Variants in ELFN2 observed in about 807,000 individuals in gnomAD.
ELFN2 encodes protein phosphatase 1 regulatory subunit 29.
A neutral mutation model predicts 45.5 loss-of-function variants in ELFN2; 17 were observed. The ratio of observed to expected loss-of-function variants is 0.37; its 90% CI spans 0.26 to 0.56. The LOEUF (loss-of-function observed/expected upper bound fraction) is 0.56, where lower values mean the gene tolerates loss of function less well. ELFN2 is among the 20% of genes least tolerant of loss of function. The pLI, the probability that ELFN2 is intolerant of heterozygous loss-of-function variation, is 0.77. For missense variants in ELFN2, 922 were observed against 1,183.2 expected, an observed-to-expected ratio of 0.78 and a Z score of 3.24; for synonymous variants, 550 against 551.5, an observed-to-expected ratio of 1.00 and a Z score of 0.04.
Position 37,374,244 on chromosome 22 carries a change from A to C in ELFN2, c.1291T>G (p.Ser431Ala), listed in dbSNP as rs774091407. ...AGGATGGTCTTCTTGACGTTGACAGACTTCTGCTTCTCCTCCTGCATGCGC... is the reference window on the plus strand; with the variant it reads ...AGGATGGTCTTCTTGACGTTGACAGCCTTCTGCTTCTCCTCCTGCATGCGC... ...KRRMQEEKQK[S>A]VNVKKTILEM... is the part of the protein sequence containing the mutation. The change falls in exon 3 of 3, where the codon TCT (serine) becomes GCT (alanine). Residue 431 changes from serine (S) to alanine (A), a missense_variant. By Grantham distance (99) the Ser-to-Ala change is moderately conservative. This residue lies in a region of ELFN2 where 564 missense variants were observed against 642.8 expected (regional missense o/e 0.88). Coordinates refer to ENST00000402918, the MANE Select transcript of ELFN2 (RefSeq NM_052906.5). 6.2e-7 allele frequency: 1 copy of C among 1,613,948 alleles called. No homozygotes were observed. Among genetic ancestry groups the C allele is most frequent in the South Asian group, 1.1e-5 (1 of 91,078 alleles).
rs115175103 is a variant in ELFN2, at chr22:37,343,264, C to T, written n.149-561G>A. Among the ~76,000 whole-genome samples the T allele has an allele frequency of 3.9e-3, 598 of 152,266 alleles. 2 individuals carry two copies. The highest frequency in any genetic ancestry group is 0.014 in the African/African-American group (574 of 41,540). On this transcript the variant is annotated intron_variant and non_coding_transcript_variant, in intron 1 of 2. Transcript: ENST00000452946. ...AGGCAGGTGGGGGCCCCAGCTGCAA[C>T]GGTCTGTGTCCCAGGTCCGCTCCTC...
chr22:37,343,048 G>A (rs1289479573), intron 1 of ELFN2, among the ~76,000 whole-genome samples: 2 of 152,164 alleles, frequency 1.3e-5, no homozygotes, highest in African/African-American at 4.8e-5. Context: ...GAAACAGAAA[G>A]GAATATGGCA....
chr22:37,345,320 A>T (rs1026818000), intron 1 of ELFN2, among the ~76,000 whole-genome samples: 9 of 152,206 alleles, frequency 5.9e-5, no homozygotes, highest in African/African-American at 2.2e-4. Flanking sequence ...GGGAAGTGGT[A>T]TACAGGCTTT....
intron 2 of ELFN2, among the ~76,000 whole-genome samples, chr22:37,380,864 C>T (rs1050420821): frequency 3.1e-4 from 47 of 152,198 alleles, no homozygotes; most frequent in Admixed American, 3.1e-3. Context: ...CTTTTCACTG[C>T]CTAGAGCTCC....
downstream of ELFN2, among the ~76,000 whole-genome samples, chr22:37,367,288 A>T (rs576303726): frequency 2.7e-4 from 41 of 152,344 alleles, 1 homozygote; most frequent in South Asian, 6.2e-4. Flanking sequence ...TGAGTGCCTC[A>T]GCCTGACCAG....
intron 2 of ELFN2, among the ~76,000 whole-genome samples, chr22:37,398,175 C>A (rs905481947): frequency 6.6e-6 from 1 of 152,174 alleles, no homozygotes; most frequent in Non-Finnish European, 1.5e-5. Flanking sequence ...CAGAGCCAGG[C>A]AGCTGTGGGC....
chr22:37,423,723 C>T (rs759194201), intron 1 of ELFN2, among the ~76,000 whole-genome samples: 7 of 152,136 alleles, frequency 4.6e-5, no homozygotes, highest in Non-Finnish European at 7.4e-5. Context: ...TCAGCAGCAT[C>T]GTGCAGCCAG....
intron 1 of ELFN2, among the ~76,000 whole-genome samples, chr22:37,426,650 A>AACACAC (rs3041620): frequency 1.4e-5 from 2 of 144,094 alleles, no homozygotes; most frequent in Admixed American, 1.4e-4. Context: ...CACACACACA[A>AACACAC]ACACACACAC....
intron 1 of ELFN2, among the ~76,000 whole-genome samples, chr22:37,343,060 A>T (rs1930600150): frequency 6.6e-6 from 1 of 152,128 alleles, no homozygotes; most frequent in African/African-American, 2.4e-5. Flanking sequence ...AATATGGCAG[A>T]TGGTCTGGTC....
Position 37,417,103 on chromosome 22 carries a change from A to G in ELFN2, c.-463+666T>C, listed in dbSNP as rs1932767369. ...CCCTCCACGTGGCCGCCACCAACACAGCCTCGGTGACAGCCCCAGCCTCTC... is the reference window on the plus strand; with the variant it reads ...CCCTCCACGTGGCCGCCACCAACACGGCCTCGGTGACAGCCCCAGCCTCTC... On this transcript the variant is annotated intron_variant, in intron 2 of 2. Coordinates refer to ENST00000402918, the MANE Select transcript of ELFN2 (RefSeq NM_052906.5). This position sits in a 1 kb window ranked among gnomAD's most constrained non-coding sequence, Gnocchi z 4.5. 6.6e-6 allele frequency among the ~76,000 whole-genome samples: 1 copy of G among 151,036 alleles called. No homozygotes were observed.
chr22:37,397,343 C>T (rs1463962932), intron 2 of ELFN2, among the ~76,000 whole-genome samples: 1 of 152,202 alleles, frequency 6.6e-6, no homozygotes, highest in Non-Finnish European at 1.5e-5. Context: ...AACATAGGCC[C>T]CCAGGCATGT....
chr22:37,400,404 C>T (rs990649584), intron 2 of ELFN2, among the ~76,000 whole-genome samples: 6 of 152,254 alleles, frequency 3.9e-5, no homozygotes, highest in Non-Finnish European at 8.8e-5. Flanking sequence ...ACCTCAGCCA[C>T]CTGGAGGGCC....
chr22:37,376,655 C>T (rs1326988922), intron 2 of ELFN2, among the ~76,000 whole-genome samples: 1 of 152,192 alleles, frequency 6.6e-6, no homozygotes, highest in East Asian at 1.9e-4. Flanking sequence ...TGGGGCCCCC[C>T]AAGCAGAGGG....
intron 2 of ELFN2, among the ~76,000 whole-genome samples, chr22:37,398,743 G>A (rs1045452567): frequency 3.6e-5 from 5 of 138,932 alleles, no homozygotes; most frequent in South Asian, 2.3e-4. Flanking sequence ...ACACGCAGGC[G>A]TGCACACACA....
chr22:37,386,215 C>T (rs901257460), intron 2 of ELFN2, among the ~76,000 whole-genome samples: 4 of 152,302 alleles, frequency 2.6e-5, no homozygotes, highest in Admixed American at 1.3e-4. Context: ...CAAGCATGGC[C>T]ACTGTGGACA....
At chr22:37,364,996 C>T (rs1324146472), downstream of ELFN2, among the ~76,000 whole-genome samples, 1 of 152,204 alleles carries the variant, frequency 6.6e-6, no homozygotes, top group Non-Finnish European at 1.5e-5. Context: ...GGTGGGAGGG[C>T]ACCAGAGGAG....
downstream of ELFN2, among the ~76,000 whole-genome samples, chr22:37,363,499 C>T (rs372897032): frequency 4.6e-5 from 7 of 152,084 alleles, 1 homozygote; most frequent in Admixed American, 2.0e-4. Context: ...ACGGAAGATG[C>T]GCGGTCTGAG....
rs138499702 is a variant in ELFN2 at position 37,361,460 on chromosome 22, C to T, written n.149-18757G>A. On this transcript the variant is annotated intron_variant and non_coding_transcript_variant, in intron 1 of 2. Coordinates refer to ENST00000452946, the Ensembl canonical transcript of ELFN2. ...CCAAGTGACGCCATCTCCCCTTCCA[C>T]CTCCCCAGTCCCCGCAGGGTCGTTC... 5.2e-3 allele frequency among the ~76,000 whole-genome samples: 785 copies of T among 152,106 alleles called. 5 individuals are homozygous for T. The highest frequency in any genetic ancestry group is 0.014 in the South Asian group (68 of 4,818).
intron 2 of ELFN2, among the ~76,000 whole-genome samples, chr22:37,389,592 TC>T (rs1398909312): frequency 6.6e-6 from 1 of 151,938 alleles, no homozygotes; most frequent in African/African-American, 2.4e-5. Context: ...GTCCTAGAGA[TC>T]ATCTCCCCCA....
Sources: allele counts gnomAD v4.1 joint callset (sites outside exome capture counted in the v4.1 genomes callset), GRCh38; gene constraint gnomAD v4.1.1; regional missense constraint gnomAD v4.1.1; non-coding constraint Gnocchi (gnomAD v3.1); transcripts MANE v1.5; gene names NCBI Gene and HGNC (gene_info 2026-07-23, HGNC 2026-07-21).